Variants in SYNE2 observed in about 807,000 individuals in gnomAD.
SYNE2 encodes the protein nesprin-2.
SYNE2 carries 431 observed loss-of-function variants against 856.3 expected under a neutral mutation model. The observed-to-expected ratio is 0.50, with a 90% CI of 0.47 to 0.55. The LOEUF (loss-of-function observed/expected upper bound fraction) is 0.55, where lower values mean the gene tolerates loss of function less well. Ranked by LOEUF, SYNE2 falls within the 20% of genes least tolerant of loss-of-function variation. The pLI, the probability that SYNE2 is intolerant of heterozygous loss-of-function variation, is 0.00. For synonymous variants in SYNE2, 2,923 were observed against 2,872.3 expected (o/e 1.02, Z -0.56); for missense variants, 8,129 against 8,023.2 (o/e 1.01, Z -0.50).
intron 1 of SYNE2, among the ~76,000 whole-genome samples, chr14:63,866,998 A>T (rs1229147325): frequency 6.6e-6 from 1 of 152,204 alleles, no homozygotes; most frequent in African/African-American, 2.4e-5. Context: ...TTAGTACTCA[A>T]TTGGTGCCAG....
At chr14:63,778,010 T>C (rs758642638) in intron 1 of SYNE2, among the ~76,000 whole-genome samples, 7 of 152,114 alleles carry the variant, frequency 4.6e-5, no homozygotes, top group Non-Finnish European at 1.0e-4. Flanking sequence ...GAAAAAACAG[T>C]AACTATGTGA....
chr14:64,208,501 C>T (rs1030146842), intron 100 of SYNE2, among the ~76,000 whole-genome samples: 9 of 152,168 alleles, frequency 5.9e-5, no homozygotes, highest in South Asian at 4.1e-4. Flanking sequence ...CACCCATCAC[C>T]GTGGCACCCC....
At position 64,225,850 on chromosome 14, in the gene SYNE2, T is replaced by C; in HGVS notation, c.*324T>C. ...TGGTTTGTTTGTAAAACAGCATTAT[T>C]ATAATGTAGGTATGGTCAATGAGCA... On this transcript the variant is annotated 3_prime_UTR_variant, in exon 116 of 116. Transcript: ENST00000555002. 1.7e-6 allele frequency: 1 copy of C among 579,626 alleles called. No individual in the cohort carries two copies. The highest frequency in any genetic ancestry group is 3.1e-6 in the Non-Finnish European group (1 of 324,898). 35.9% of individuals were successfully genotyped at this position (579,626 alleles called of 1,614,324 possible). A position where few individuals can be genotyped will look rare whatever the true frequency, so the allele number is the denominator to read the frequency against.
rs1269583628 is a variant in SYNE2, at chr14:63,885,748, A to G, written c.-51-23350A>G. The stretch of plus-strand genomic sequence containing the variant: ...TGAGTAAACCTGTTTTATTTTGAAT[A>G]TGTTCAAGTGGGAGATGTTGAGGTA... On this transcript the variant is annotated intron_variant, in intron 1 of 115. Transcript: ENST00000555002. 2.0e-5 allele frequency among the ~76,000 whole-genome samples: 3 copies of G among 152,274 alleles called. No individual in the cohort carries two copies. In the East Asian group the frequency reaches 5.8e-4, roughly 29 times the overall value.
At chr14:63,916,377 G>A (rs1004150679) in intron 2 of SYNE2, among the ~76,000 whole-genome samples, 2 of 152,146 alleles carry the variant, frequency 1.3e-5, no homozygotes, top group Admixed American at 6.5e-5. Context: ...TCTTCTTACT[G>A]TTCTTACTCT....
chr14:63,890,340 G>A (rs2095102807), intron 1 of SYNE2, among the ~76,000 whole-genome samples: 1 of 152,162 alleles, frequency 6.6e-6, no homozygotes, highest in Admixed American at 6.5e-5. Context: ...TGGGATTACA[G>A]GTGTGAGCTA....
At chr14:63,824,638 C>CAA (rs34659476) in intron 1 of SYNE2, among the ~76,000 whole-genome samples, 18,016 of 129,362 alleles carry the variant, frequency 0.14, 1,262 homozygotes, top group Non-Finnish European at 0.16. Context: ...GAATCTGTCT[C>CAA]AAAAAAAAAA....
At chr14:64,093,273 G>A (rs575846491) in intron 60 of SYNE2, 76 bp from the exon 61 acceptor site, 3 of 1,558,134 alleles carry the variant, frequency 1.9e-6, no homozygotes, top group Admixed American at 1.7e-5. Context: ...ACTTCCATGG[G>A]GCTAGACAAT....
In SYNE2 at chr14:64,121,737, G is replaced by T. The variant is rs554095363; in HGVS notation, c.13159-275G>T. On this transcript the variant is annotated intron_variant, in intron 68 of 115. Transcript: ENST00000555002. ...TCAGCTGTCTTCAGGGTGAACTTCT[G>T]TAGTTGCGACTCTGCTTTGCCTGTC... Among the ~76,000 whole-genome samples the T allele has an allele frequency of 1.4e-3, 217 of 152,258 alleles. 7 individuals are homozygous for T. In the South Asian group the frequency reaches 0.044, roughly 31 times the overall value.
intron 106 of SYNE2, among the ~76,000 whole-genome samples, chr14:64,214,818 C>G (rs956401236): frequency 6.6e-6 from 1 of 152,180 alleles, no homozygotes; most frequent in Non-Finnish European, 1.5e-5. Flanking sequence ...CGGCTCATTG[C>G]AGCCTCAACC....
At chr14:63,900,941 A>G (rs1276657937) in intron 1 of SYNE2, among the ~76,000 whole-genome samples, 1 of 152,214 alleles carries the variant, frequency 6.6e-6, no homozygotes, top group Non-Finnish European at 1.5e-5. Flanking sequence ...ACTATAAATA[A>G]CAGAGTACAG....
chr14:63,961,666 A>C, intron 9 of SYNE2, 41 bp downstream of exon 9: 1 of 1,390,862 alleles, frequency 7.2e-7, no homozygotes, highest in South Asian at 1.2e-5. Flanking sequence ...TTTTAGTTGT[A>C]TCCTGCTAAT....
intron 92 of SYNE2, among the ~76,000 whole-genome samples, chr14:64,167,998 G>A (rs903870472): frequency 1.2e-4 from 18 of 152,122 alleles, no homozygotes; most frequent in African/African-American, 4.1e-4. Context: ...TAGTATTAAA[G>A]CACCTGGTAT....
chr14:64,047,892 C>A, intron 45 of SYNE2, 108 bp from the exon 46 acceptor site: 2 of 1,231,462 alleles, frequency 1.6e-6, no homozygotes, highest in Non-Finnish European at 2.3e-6. Flanking sequence ...CTTTTTAAGT[C>A]TATAATCCAA....
At chr14:64,189,570 A>G (rs932477436) in intron 98 of SYNE2, among the ~76,000 whole-genome samples, 2 of 152,224 alleles carry the variant, frequency 1.3e-5, no homozygotes, top group African/African-American at 2.4e-5. Context: ...GAGGAAACAG[A>G]GGGCTTTTGA....
chr14:63,825,183 G>A (rs924793655), intron 1 of SYNE2, among the ~76,000 whole-genome samples: 35 of 152,026 alleles, frequency 2.3e-4, no homozygotes, highest in Admixed American at 5.3e-4. Flanking sequence ...ACTGTATGAT[G>A]AAAAACTAAA....
chr14:63,928,213 G>A (rs940751570), intron 2 of SYNE2, among the ~76,000 whole-genome samples: 1 of 152,168 alleles, frequency 6.6e-6, no homozygotes, highest in African/African-American at 2.4e-5. Context: ...CATGTGATGG[G>A]AACATGGGCA....
chr14:64,098,892 T>G (rs1444583644), intron 63 of SYNE2, 71 bp downstream of exon 63: 1 of 1,452,870 alleles, frequency 6.9e-7, no homozygotes, highest in East Asian at 2.3e-5. Context: ...GAAAAGATCT[T>G]AAAGTGAATG....
intron 33 of SYNE2, among the ~76,000 whole-genome samples, chr14:64,017,328 C>CAAAAAAAAAA (rs34399201): frequency 4.5e-5 from 3 of 66,580 alleles, no homozygotes; most frequent in African/African-American, 1.2e-4. Context: ...GACTCCATCT[C>CAAAAAAAAAA]AAAAAAAAAA....
Sources: allele counts gnomAD v4.1 joint callset (sites outside exome capture counted in the v4.1 genomes callset), GRCh38; gene constraint gnomAD v4.1.1; transcripts MANE v1.5; gene names NCBI Gene and HGNC (gene_info 2026-07-23, HGNC 2026-07-21).